The following STXBP2 variants were observed in gnomAD, a reference collection of about 807,000 sequenced individuals.
STXBP2 encodes the protein syntaxin binding protein 2.
Under a neutral mutation model 72.2 loss-of-function variants are expected in STXBP2, and 47 were observed. That is an observed-to-expected ratio of 0.65 (90% CI 0.51 to 0.83). The LOEUF (loss-of-function observed/expected upper bound fraction) is 0.83, where lower values mean the gene tolerates loss of function less well. Among genes scored for constraint, STXBP2 ranks in the 40% least tolerant of loss-of-function variants. STXBP2 has a pLI of 0.00. For synonymous variants in STXBP2, 367 were observed against 338.7 expected, an observed-to-expected ratio of 1.08 and a Z score of -0.92; for missense variants, 702 against 807.6, an observed-to-expected ratio of 0.87 and a Z score of 1.58.
At chr19:7,633,194 C>T (rs2031403895), upstream of STXBP2, among the ~76,000 whole-genome samples, 1 of 152,216 alleles carries the variant, frequency 6.6e-6, no homozygotes, top group South Asian at 2.1e-4. Context: ...CCCAGCATCT[C>T]CCATCAATAG....
upstream of STXBP2, chr19:7,632,650 G>C: frequency 1.3e-6 from 2 of 1,560,264 alleles, no homozygotes; most frequent in Non-Finnish European, 1.7e-6. This position sits in a 1 kb window ranked among gnomAD's most constrained non-coding sequence, Gnocchi z 5.2. Flanking sequence ...CCCTCCAGAT[G>C]ACCACTTGCC....
At chr19:7,640,035 C>G in intron 4 of STXBP2, 1 of 635,420 alleles carries the variant, frequency 1.6e-6, no homozygotes, top group Non-Finnish European at 2.9e-6. Context: ...CATGTGTGTG[C>G]GTCTGTGTGT....
In STXBP2 at chr19:7,641,714, C is replaced by A; in HGVS notation, c.439C>A (p.Leu147Ile). The A allele has an allele frequency of 6.4e-7, 1 of 1,553,976 alleles. No individual in the cohort carries two copies. The highest frequency in any genetic ancestry group is 8.7e-7 in the Non-Finnish European group (1 of 1,149,070). ...TCCCCTCCTCGCCCAGGTGTTCTCCCTCGATGCTCCCCACAGCACCTACAA... is the reference window on the plus strand; with the variant it reads ...TCCCCTCCTCGCCCAGGTGTTCTCCATCGATGCTCCCCACAGCACCTACAA... The part of the protein sequence containing the change: ...FLPYEAQVFS[L>I]DAPHSTYNLY... The change falls in exon 7 of 19, where the codon CTC becomes ATC. Residue 147 changes from leucine to isoleucine, a missense_variant. Transcript: ENST00000221283.
Position 7,644,628 on chromosome 19 carries a change from C to A in STXBP2, c.1122C>A (p.Gly374=). 1 of 1,612,856 alleles carries A rather than the reference C, an allele frequency of 6.2e-7. No individual in the cohort carries two copies. The highest frequency in any genetic ancestry group is 8.5e-7 in the Non-Finnish European group (1 of 1,179,812). Residue 374 remains glycine, a synonymous_variant, in exon 14 of 19, where the codon GGC becomes GGA. Coordinates refer to ENST00000221283, the MANE Select transcript of STXBP2 (RefSeq NM_006949.4). ...LCSVEQDLAM[G]SDAEGEKIKD... ...CATGCCCGCAGGACCTGGCCATGGG[C>A]TCCGACGCAGAGGGGGAGAAGATCA... is the stretch of plus-strand genomic sequence containing the variant.
upstream of STXBP2, chr19:7,631,886 G>T: frequency 1.5e-6 from 2 of 1,326,692 alleles, no homozygotes; most frequent in African/African-American, 1.5e-5. Flanking sequence ...TGGAGAGAGG[G>T]TGCAGGTAGC....
At chr19:7,639,951 TGTGTGTGTGC>T (rs1415265565) in intron 4 of STXBP2, 144 bp downstream of exon 4, 3 of 745,296 alleles carry the variant, frequency 4.0e-6, no homozygotes, top group South Asian at 3.0e-5. Context: ...TGTGTGTGCA[TGTGTGTGTGC>T]ATCTGTGTAT....
upstream of STXBP2, chr19:7,632,958 T>C (rs2031391299): frequency 3.4e-6 from 5 of 1,468,114 alleles, no homozygotes; most frequent in Middle Eastern, 1.8e-4. The surrounding 1 kb of genome is among the most constrained non-coding windows in gnomAD (Gnocchi z 5.2). Flanking sequence ...CTCACCATGG[T>C]CCCCGCCGAT....
At position 7,640,961 on chromosome 19, in the gene STXBP2, G is replaced by A. The variant is rs369507304; in HGVS notation, c.387G>A (p.Thr129=). ...CTCGTCTGGCAAAGGTGGTGAAGAC[G>A]TTGAAGGAGATTCACCTTGCCTTCC... is the stretch of plus-strand genomic sequence containing the variant. The part of the protein sequence containing the change: ...GRSRLAKVVK[T]LKEIHLAFLP... The change falls in exon 6 of 19, where the codon ACG becomes ACA. Residue 129 remains threonine, a synonymous_variant. Coordinates refer to ENST00000221283, the MANE Select transcript of STXBP2 (RefSeq NM_006949.4). The A allele has an allele frequency of 2.9e-5, 47 of 1,614,204 alleles. No homozygotes were observed. The African/African-American group carries it at 5.2e-4, about 18-fold the overall frequency.
intron 4 of STXBP2, 193 bp downstream of exon 4, chr19:7,640,000 C>A (rs1223096045): frequency 5.8e-6 from 4 of 692,484 alleles, no homozygotes; most frequent in Admixed American, 2.1e-5. Flanking sequence ...GCATGTGTGT[C>A]TATGTATGTG....
chr19:7,637,447 C>A (rs1301321630), intron 1 of STXBP2, among the ~76,000 whole-genome samples: 2 of 152,054 alleles, frequency 1.3e-5, no homozygotes, highest in African/African-American at 4.8e-5. Context: ...GAGGCTGGGG[C>A]CCGGACTCCT....
chr19:7,634,259 T>C (rs1361621341), upstream of STXBP2, among the ~76,000 whole-genome samples: 5 of 152,102 alleles, frequency 3.3e-5, no homozygotes, highest in Non-Finnish European at 1.5e-5. Flanking sequence ...TTTCCCTCAG[T>C]GCCCAAGCAG....
intron 4 of STXBP2, chr19:7,640,265 CGTGTATAT>C: frequency 2.1e-6 from 1 of 476,374 alleles, no homozygotes; most frequent in Non-Finnish European, 4.0e-6. Flanking sequence ...TGTGTGTATG[CGTGTATAT>C]GTATGTGCAT....
At chr19:7,634,474 C>T (rs1038539935), upstream of STXBP2, among the ~76,000 whole-genome samples, 3 of 152,184 alleles carry the variant, frequency 2.0e-5, no homozygotes, top group East Asian at 3.9e-4. Flanking sequence ...GTATCCCTTT[C>T]CTAGGCCTGC....
chr19:7,640,181 T>C, intron 4 of STXBP2: 1 of 552,068 alleles, frequency 1.8e-6, no homozygotes. Context: ...TGCGTCTGTC[T>C]GTGTGCATGT....
upstream of STXBP2, among the ~76,000 whole-genome samples, chr19:7,634,457 A>G (rs2031454373): frequency 2.0e-5 from 3 of 152,226 alleles, no homozygotes; most frequent in South Asian, 6.2e-4. Context: ...CCCCCTCCTC[A>G]GTACGTGTAT....
At chr19:7,643,831 G>T (rs2032003886) in intron 13 of STXBP2, among the ~76,000 whole-genome samples, 1 of 133,378 alleles carries the variant, frequency 7.5e-6, no homozygotes, top group Admixed American at 7.6e-5. Flanking sequence ...GGACCTGGGA[G>T]AGGGGTGGAG....
At chr19:7,636,059 C>T (rs1355302745), upstream of STXBP2, among the ~76,000 whole-genome samples, 2 of 152,126 alleles carry the variant, frequency 1.3e-5, no homozygotes, top group South Asian at 2.1e-4. Context: ...AGTAAAGTCC[C>T]CTCCCACCCC....
In STXBP2 at chr19:7,644,698, G is replaced by A. The variant is rs753384539; in HGVS notation, c.1192G>A (p.Val398Met). The stretch of plus-strand genomic sequence containing the variant: ...CGTTCCGGTGCTGCTGGACGCGGCG[G>A]TGCCCGCCTACGACAAGATCCGGGT... ...LIVPVLLDAA[V>M]PAYDKIRVLL... The change falls in exon 14 of 19, where the codon GTG becomes ATG. Residue 398 changes from valine to methionine, a missense_variant. Transcript: ENST00000221283. 2.5e-6 allele frequency: 4 copies of A among 1,613,708 alleles called. No homozygotes were observed. Among genetic ancestry groups the A allele is most frequent in the Non-Finnish European group, 3.4e-6 (4 of 1,179,882 alleles).
Position 7,641,738 on chromosome 19 carries a change from A to G in STXBP2, c.463A>G (p.Asn155Asp). Residue 155 changes from asparagine (N) to aspartate (D), a missense_variant, in exon 7 of 19, where the codon AAC becomes GAC. Asn to Asp is a conservative substitution (Grantham distance 23). Coordinates refer to ENST00000221283, the MANE Select transcript of STXBP2 (RefSeq NM_006949.4). Reference protein sequence around the residue: ...FSLDAPHSTYNLYCPFRAEER... With the variant: ...FSLDAPHSTYDLYCPFRAEER... ...CCTCGATGCTCCCCACAGCACCTACAACCTCTACTGCCCCTTCCGGGCAGA... is the reference window on the plus strand; with the variant it reads ...CCTCGATGCTCCCCACAGCACCTACGACCTCTACTGCCCCTTCCGGGCAGA... 6.4e-7 allele frequency: 1 copy of G among 1,553,710 alleles called. No homozygotes were observed. Among genetic ancestry groups the G allele is most frequent in the African/African-American group, 1.4e-5 (1 of 73,314 alleles).
Sources: allele counts gnomAD v4.1 joint callset (sites outside exome capture counted in the v4.1 genomes callset), GRCh38; gene constraint gnomAD v4.1.1; non-coding constraint Gnocchi (gnomAD v3.1); transcripts MANE v1.5; gene names NCBI Gene and HGNC (gene_info 2026-07-23, HGNC 2026-07-21).